Variants in RSRC1 observed in about 807,000 individuals in gnomAD.
RSRC1 encodes arginine and serine rich coiled-coil 1.
Under a neutral mutation model 49.1 loss-of-function variants are expected in RSRC1, and 39 were observed. The ratio of observed to expected loss-of-function variants is 0.79; its 90% confidence interval spans 0.61 to 1.04. The LOEUF (loss-of-function observed/expected upper bound fraction) is 1.04, where lower values mean the gene tolerates loss of function less well. RSRC1 is among the 50% of genes least tolerant of loss of function. The pLI, the probability that RSRC1 is intolerant of heterozygous loss-of-function variation, is 0.00. For synonymous variants in RSRC1, 143 were observed against 130.8 expected (o/e 1.09, Z -0.63); for missense variants, 388 against 402.4 (o/e 0.96, Z 0.31).
At chr3:158,334,963 CTT>C (rs1282351368) in intron 5 of RSRC1, among the ~76,000 whole-genome samples, 1 of 152,086 alleles carries the variant, frequency 6.6e-6, no homozygotes, top group African/African-American at 2.4e-5. Flanking sequence ...TTTCCTATCT[CTT>C]TGCCTACCTT....
At chr3:158,145,117 C>T (rs1170460224) in intron 3 of RSRC1, among the ~76,000 whole-genome samples, 5 of 152,146 alleles carry the variant, frequency 3.3e-5, no homozygotes, top group African/African-American at 4.8e-5. Flanking sequence ...TTTTGCTGTG[C>T]AGAAGCTCTT....
chr3:158,237,153 T>C (rs1418908457), intron 4 of RSRC1, among the ~76,000 whole-genome samples: 1 of 152,180 alleles, frequency 6.6e-6, no homozygotes, highest in Non-Finnish European at 1.5e-5. Context: ...CAAAGGATAT[T>C]TCAATTATTT....
At chr3:158,235,968 T>C (rs959333405) in intron 4 of RSRC1, among the ~76,000 whole-genome samples, 6 of 151,988 alleles carry the variant, frequency 3.9e-5, no homozygotes, top group Admixed American at 2.6e-4. Context: ...ATATAAAAAT[T>C]AGCCGGGTAT....
chr3:158,154,429 C>T (rs985727241), intron 3 of RSRC1, among the ~76,000 whole-genome samples: 53 of 151,132 alleles, frequency 3.5e-4, no homozygotes, highest in African/African-American at 1.2e-3. Flanking sequence ...TTCTCTGTAG[C>T]AATTGATGCT....
rs1293106521 is a variant in RSRC1, at chr3:158,376,190, G to A, written c.583+21282G>A. Among the ~76,000 whole-genome samples the A allele has an allele frequency of 7.4e-3, 529 of 71,388 alleles. 6 individuals are homozygous for A. The highest frequency in any genetic ancestry group is 0.029 in the African/African-American group (515 of 17,878). The allele number at this position is 71,388 out of a possible 152,430, so 46.8% of individuals were successfully genotyped here. Reference sequence around the variant, plus strand: ...CTCCCTTCCTTCTTCCCTTCCTTTCGTTTTTTTTTTTTTTTTTTAAAGACA... The same window carrying A: ...CTCCCTTCCTTCTTCCCTTCCTTTCATTTTTTTTTTTTTTTTTTAAAGACA... On this transcript the variant is annotated intron_variant, in intron 6 of 9. Transcript: ENST00000611884.
At chr3:158,137,487 A>G (rs182618613) in intron 3 of RSRC1, among the ~76,000 whole-genome samples, 3 of 151,952 alleles carry the variant, frequency 2.0e-5, no homozygotes, top group Admixed American at 2.0e-4. Flanking sequence ...ATTTTAAATC[A>G]GTTTTAAGGC....
chr3:158,197,162 G>A (rs1411083383), intron 3 of RSRC1, among the ~76,000 whole-genome samples: 2 of 152,024 alleles, frequency 1.3e-5, no homozygotes, highest in Admixed American at 6.6e-5. Context: ...GCTATTAATT[G>A]TTGCCTCAAT....
At chr3:158,426,360 C>A (rs1735441232) in intron 6 of RSRC1, among the ~76,000 whole-genome samples, 3 of 150,568 alleles carry the variant, frequency 2.0e-5, no homozygotes, top group African/African-American at 7.3e-5. Flanking sequence ...TTAAACCCTG[C>A]AAATCAGTAA....
intron 3 of RSRC1, among the ~76,000 whole-genome samples, chr3:158,183,441 G>A (rs1719743827): frequency 6.6e-6 from 1 of 151,056 alleles, no homozygotes; most frequent in Non-Finnish European, 1.5e-5. Context: ...ATCTTCTAGT[G>A]AATTTATAGG....
intron 4 of RSRC1, among the ~76,000 whole-genome samples, chr3:158,255,289 C>A (rs1297127324): frequency 6.6e-6 from 1 of 152,158 alleles, no homozygotes; most frequent in African/African-American, 2.4e-5. Context: ...ATATGGCTAG[C>A]CAGTTTTCCC....
At chr3:158,246,443 A>G (rs1296008154) in intron 4 of RSRC1, among the ~76,000 whole-genome samples, 2 of 151,218 alleles carry the variant, frequency 1.3e-5, no homozygotes, top group Non-Finnish European at 2.9e-5. Flanking sequence ...TAATCCTGTC[A>G]TCATGATGCT....
At chr3:158,487,218 A>T (rs1738848150) in intron 7 of RSRC1, among the ~76,000 whole-genome samples, 1 of 152,198 alleles carries the variant, frequency 6.6e-6, no homozygotes, top group African/African-American at 2.4e-5. Flanking sequence ...ATACTACAAG[A>T]ATGAATATGT....
chr3:158,510,987 G>C lies in RSRC1; in HGVS notation c.653-26105G>C, dbSNP rs1740135725. Among the ~76,000 whole-genome samples the C allele has an allele frequency of 2.6e-5, 4 of 152,080 alleles. No individual in the cohort carries two copies. The South Asian group carries it at 8.3e-4, about 31-fold the overall frequency. On this transcript the variant is annotated intron_variant, in intron 7 of 9. Coordinates refer to ENST00000611884, the MANE Select transcript of RSRC1 (RefSeq NM_001271838.2). ...TATTTGGTGAGAATAATGTCTTTAT[G>C]ATATTGAGTATTTTTATCCTAGAGC...
rs560601734 is a variant in RSRC1 at position 158,198,376 on chromosome 3, T to A, written c.321-4696T>A. On this transcript the variant is annotated intron_variant, in intron 3 of 9. Transcript: ENST00000611884. ...TTCCTCCATCCCTTTATTTTGAGCTTATGTGTATCTCTGCATGTGAGATGG... is the reference window on the plus strand; with the variant it reads ...TTCCTCCATCCCTTTATTTTGAGCTAATGTGTATCTCTGCATGTGAGATGG... Among the ~76,000 whole-genome samples, 141 of 152,248 alleles carry A rather than the reference T, an allele frequency of 9.3e-4. 3 individuals carry two copies. The South Asian group carries it at 0.028, about 30-fold the overall frequency.
At chr3:158,160,598 G>A (rs6762154) in intron 3 of RSRC1, among the ~76,000 whole-genome samples, 90,066 of 151,894 alleles carry the variant, frequency 0.59, 26,961 homozygotes, top group East Asian at 0.71. Flanking sequence ...GAGAGAAAGG[G>A]AAGGGCTCTT....
chr3:158,349,936 G>C (rs1400604134), intron 5 of RSRC1, among the ~76,000 whole-genome samples: 2 of 151,380 alleles, frequency 1.3e-5, no homozygotes, highest in African/African-American at 2.4e-5. Flanking sequence ...GACCTTGGGT[G>C]ATCTGCCTGC....
chr3:158,484,883 C>T (rs1738757438), intron 7 of RSRC1, among the ~76,000 whole-genome samples: 1 of 151,836 alleles, frequency 6.6e-6, no homozygotes, highest in African/African-American at 2.4e-5. Flanking sequence ...TTAGCTTTTC[C>T]AGTTATAGCA....
chr3:158,438,394 T>C (rs1377121967), intron 6 of RSRC1, among the ~76,000 whole-genome samples: 4 of 151,814 alleles, frequency 2.6e-5, no homozygotes, highest in African/African-American at 7.2e-5. Context: ...AAGCTGGAGG[T>C]ATCATGCTAC....
At chr3:158,191,421 G>C (rs1473677886) in intron 3 of RSRC1, among the ~76,000 whole-genome samples, 1 of 151,994 alleles carries the variant, frequency 6.6e-6, no homozygotes, top group Non-Finnish European at 1.5e-5. Context: ...TCTTTTGAAC[G>C]ACAAAATATT....
Sources: gnomAD v4.1 joint callset for allele counts (sites outside exome capture counted in the v4.1 genomes callset) on GRCh38, gnomAD v4.1.1 for gene constraint, MANE v1.5 for transcripts, NCBI Gene and HGNC (gene_info 2026-07-23, HGNC 2026-07-21) for gene names.